GSK3B: variants seen among roughly 807,000 people sequenced by gnomAD.
GSK3B encodes the protein glycogen synthase kinase-3 beta.
Under a neutral mutation model 56.4 loss-of-function variants are expected in GSK3B, and 15 were observed. The ratio of observed to expected loss-of-function variants is 0.27; its 90% CI spans 0.18 to 0.41. GSK3B has a LOEUF of 0.41. GSK3B is among the 10% of genes least tolerant of loss of function. The pLI is 1.00. For synonymous variants in GSK3B, 181 were observed against 188.9 expected (o/e 0.96, Z 0.34); for missense variants, 300 against 513.4 (o/e 0.58, Z 4.02).
chr3:119,924,040 A>G (rs1435248414), intron 3 of GSK3B, among the ~76,000 whole-genome samples: 1 of 152,238 alleles, frequency 6.6e-6, no homozygotes, highest in Non-Finnish European at 1.5e-5. Context: ...CTGATAGTAT[A>G]TAACTGATAG....
At chr3:120,074,499 G>A (rs992115134) in intron 1 of GSK3B, among the ~76,000 whole-genome samples, 11 of 151,746 alleles carry the variant, frequency 7.2e-5, no homozygotes, top group South Asian at 2.1e-4. Flanking sequence ...TTACAGGTGC[G>A]CACCACCACA....
At chr3:120,092,928 T>C (rs1271687133) in intron 1 of GSK3B, among the ~76,000 whole-genome samples, 7 of 152,244 alleles carry the variant, frequency 4.6e-5, no homozygotes, top group Admixed American at 3.9e-4. Flanking sequence ...ACCTAAAATA[T>C]TCTCTCATTC....
chr3:119,972,380 T>C (rs1443998355), intron 2 of GSK3B, among the ~76,000 whole-genome samples: 1 of 152,206 alleles, frequency 6.6e-6, no homozygotes, highest in Non-Finnish European at 1.5e-5. Context: ...AATTCTATAA[T>C]GAAAAACAGA....
In GSK3B at chr3:119,923,354, T is replaced by A; in HGVS notation, c.477+19A>T. On this transcript the variant is annotated intron_variant, in intron 4 of 10. Transcript: ENST00000264235. ...AAAAAATGTTTTCTAAAATGGAAAA[T>A]TGTTATGTTTTTACATACCTTGACA... is the stretch of plus-strand genomic sequence containing the variant. 1.5e-6 allele frequency: 2 copies of A among 1,291,536 alleles called. No homozygotes were observed. The highest frequency in any genetic ancestry group is 2.5e-5 in the South Asian group (2 of 81,264). 80.0% of individuals were successfully genotyped at this position (1,291,536 alleles called of 1,614,324 possible).
Position 119,863,321 on chromosome 3 carries a change from G to A in GSK3B, c.1096+98C>T, listed in dbSNP as rs2056132571. Reference sequence around the variant, plus strand: ...ACCTACCTAAGTACTTAATATGTCCGTTTTTGTCCTCCACAGATTTTAATT... The same window carrying A: ...ACCTACCTAAGTACTTAATATGTCCATTTTTGTCCTCCACAGATTTTAATT... On this transcript the variant is annotated intron_variant, in intron 9 of 10. Coordinates refer to ENST00000264235, the MANE Select transcript of GSK3B (RefSeq NM_001146156.2). The A allele has an allele frequency of 4.2e-6, 4 of 961,990 alleles. No homozygotes were observed. In the South Asian group the frequency reaches 5.9e-5, roughly 14 times the overall value. The allele number at this position is 961,990 out of a possible 1,614,324, so 59.6% of individuals were successfully genotyped here.
Position 119,961,433 on chromosome 3 carries a change from G to A in GSK3B, c.283-14082C>T, listed in dbSNP as rs148159142. ...ACTTAAGGCCAGGAGTTCAAGACCA[G>A]CCTGGCCAACATGGTGAAACTCCGT... is the stretch of plus-strand genomic sequence containing the variant. On this transcript the variant is annotated intron_variant, in intron 2 of 10. Transcript: ENST00000264235. Among the ~76,000 whole-genome samples the A allele has an allele frequency of 1.7e-3, 256 of 152,182 alleles. 1 individual carries two copies. Among genetic ancestry groups the A allele is most frequent in the African/African-American group, 6.0e-3 (249 of 41,544 alleles).
At position 119,863,377 on chromosome 3, in the gene GSK3B, G is replaced by A. The variant is rs370055654; in HGVS notation, c.1096+42C>T. The A allele has an allele frequency of 3.4e-6, 5 of 1,485,528 alleles. No homozygotes were observed. The African/African-American group carries it at 6.9e-5, about 21-fold the overall frequency. The allele number at this position is 1,485,528 out of a possible 1,614,324, so 92.0% of individuals were successfully genotyped here. On this transcript the variant is annotated intron_variant, in intron 9 of 10. Coordinates refer to ENST00000264235, the MANE Select transcript of GSK3B (RefSeq NM_001146156.2). ...AATGTCATTTCACACCCAGGGTGTA[G>A]CTTTCCTAGAACTGGTGAAGAGGCT...
intron 1 of GSK3B, chr3:120,029,199 C>A (rs531132885): frequency 3.2e-4 from 218 of 681,926 alleles, no homozygotes; most frequent in East Asian, 1.0e-4. Flanking sequence ...AGGAGATTAA[C>A]AAGTGGTAGA....
At chr3:120,005,451 G>A (rs753610997) in intron 1 of GSK3B, among the ~76,000 whole-genome samples, 3 of 151,978 alleles carry the variant, frequency 2.0e-5, no homozygotes, top group Non-Finnish European at 2.9e-5. Context: ...TCCTCAAGAA[G>A]AGCAACCCCA....
chr3:119,990,500 C>T lies in GSK3B; in HGVS notation c.282+11546G>A, dbSNP rs544321578. On this transcript the variant is annotated intron_variant, in intron 2 of 10. Coordinates refer to ENST00000264235, the MANE Select transcript of GSK3B (RefSeq NM_001146156.2). ...CTTACAATAGATATGCTCAAGCTTTCAAAATTATTAAGTAAGACCAAAATC... is the reference window on the plus strand; with the variant it reads ...CTTACAATAGATATGCTCAAGCTTTTAAAATTATTAAGTAAGACCAAAATC... 3.5e-3 allele frequency among the ~76,000 whole-genome samples: 531 copies of T among 152,274 alleles called. 2 individuals carry two copies. The highest frequency in any genetic ancestry group is 0.017 in the Middle Eastern group (5 of 294).
At chr3:120,090,230 T>TA (rs55859010) in intron 1 of GSK3B, among the ~76,000 whole-genome samples, 100 of 146,240 alleles carry the variant, frequency 6.8e-4, no homozygotes, top group Admixed American at 2.5e-3. Flanking sequence ...AAGCTGTATA[T>TA]AAAAAAAAAA....
intron 2 of GSK3B, among the ~76,000 whole-genome samples, chr3:119,991,379 A>G (rs925744636): frequency 6.6e-6 from 1 of 152,148 alleles, no homozygotes; most frequent in African/African-American, 2.4e-5. Context: ...ACTGAAATGA[A>G]GATTATACCA....
At chr3:120,020,074 G>A (rs904474187) in intron 1 of GSK3B, among the ~76,000 whole-genome samples, 1 of 152,180 alleles carries the variant, frequency 6.6e-6, no homozygotes, top group Admixed American at 6.5e-5. Context: ...ATAGGAGGAG[G>A]AGATATGCCT....
chr3:120,067,503 A>G (rs912300033), intron 1 of GSK3B, among the ~76,000 whole-genome samples: 1 of 152,218 alleles, frequency 6.6e-6, no homozygotes, highest in Non-Finnish European at 1.5e-5. Context: ...ATAAAACTTT[A>G]TAACAAAGTT....
chr3:120,083,216 T>A (rs1289985217), intron 1 of GSK3B, among the ~76,000 whole-genome samples: 3 of 152,200 alleles, frequency 2.0e-5, no homozygotes, highest in Non-Finnish European at 4.4e-5. Flanking sequence ...ACTATTCAAC[T>A]AACAAACAAA....
intron 6 of GSK3B, among the ~76,000 whole-genome samples, chr3:119,911,745 T>G (rs536318165): frequency 1.8e-4 from 28 of 152,314 alleles, no homozygotes; most frequent in African/African-American, 6.7e-4. Flanking sequence ...ATGGTGCAGC[T>G]TTTTACCCTT....
rs115594643 is a variant in GSK3B, at chr3:120,077,740, T to C, written c.88+15607A>G. 4.2e-3 allele frequency among the ~76,000 whole-genome samples: 646 copies of C among 152,262 alleles called. 1 individual carries two copies. The highest frequency in any genetic ancestry group is 0.015 in the African/African-American group (610 of 41,538). On this transcript the variant is annotated intron_variant, in intron 1 of 10. Transcript: ENST00000264235. ...CCATTTTATTATAATATGTATCATATTAACATCATGTTGTATATCTTAAAT... is the reference window on the plus strand; with the variant it reads ...CCATTTTATTATAATATGTATCATACTAACATCATGTTGTATATCTTAAAT...
intron 9 of GSK3B, among the ~76,000 whole-genome samples, chr3:119,862,517 AGT>A (rs1275387730): frequency 1.8e-4 from 13 of 70,800 alleles, no homozygotes; most frequent in Non-Finnish European, 4.5e-4. Flanking sequence ...TAAAACTTAG[AGT>A]ATAATAAAAA....
intron 8 of GSK3B, among the ~76,000 whole-genome samples, chr3:119,869,726 C>T (rs1009880249): frequency 6.6e-6 from 1 of 152,076 alleles, no homozygotes; most frequent in African/African-American, 2.4e-5. Context: ...AAATGTTTTC[C>T]CTCATCAACG....
Sources: gnomAD v4.1 joint callset for allele counts (sites outside exome capture counted in the v4.1 genomes callset) on GRCh38, gnomAD v4.1.1 for gene constraint, MANE v1.5 for transcripts, NCBI Gene and HGNC (gene_info 2026-07-23, HGNC 2026-07-21) for gene names.